Variants in MON2 observed in about 807,000 individuals in gnomAD.
The protein encoded by MON2 is protein MON2 homolog.
A neutral mutation model predicts 208.6 loss-of-function variants in MON2; 84 were observed. That is an observed-to-expected ratio of 0.40 (90% CI 0.34 to 0.48). MON2 has a LOEUF of 0.48. MON2 is among the 20% of genes least tolerant of loss of function. The probability of loss-of-function intolerance (pLI) is 0.59; values close to 1 mark genes in which losing one functional copy is unlikely to be tolerated. For synonymous variants in MON2, 660 were observed against 694.0 expected (o/e 0.95, Z 0.77); for missense variants, 1,611 against 2,015.4 (o/e 0.80, Z 3.84).
chr12:62,583,456 G>C (rs1364901210), intron 32 of MON2, among the ~76,000 whole-genome samples: 1 of 151,976 alleles, frequency 6.6e-6, no homozygotes, highest in Non-Finnish European at 1.5e-5. Flanking sequence ...AAAGAACAAA[G>C]AAAATCTAGG....
chr12:62,532,337 GTTAATC>G, intron 11 of MON2, 95 bp from the exon 12 acceptor site: 1 of 871,480 alleles, frequency 1.1e-6, no homozygotes, highest in African/African-American at 1.7e-5. Context: ...TTGCTATTCT[GTTAATC>G]TTAATTTCTA....
chr12:62,474,720 A>T (rs10735909), intron 1 of MON2, among the ~76,000 whole-genome samples: 2 of 151,830 alleles, frequency 1.3e-5, no homozygotes, highest in Non-Finnish European at 2.9e-5. Flanking sequence ...CATCGCGGCC[A>T]GCCAGATAGA....
At chr12:62,539,899 G>A (rs754195888) in intron 19 of MON2, among the ~76,000 whole-genome samples, 2 of 151,924 alleles carry the variant, frequency 1.3e-5, no homozygotes, top group African/African-American at 2.4e-5. Context: ...AACCCAGGAG[G>A]CGGAGGTTGC....
In MON2 at chr12:62,484,160, A is replaced by T. The variant is rs2069620481; in HGVS notation, c.112-10A>T. 2 of 1,582,270 alleles carry T rather than the reference A, an allele frequency of 1.3e-6. No individual in the cohort carries two copies. Among genetic ancestry groups the T allele is most frequent in the African/African-American group, 2.7e-5 (2 of 73,816 alleles). ...TAAATTTTGTGTTCTAATTATTTTTATTCTTGCAGGCTGCTGAATCAGGAA... is the reference window on the plus strand; with the variant it reads ...TAAATTTTGTGTTCTAATTATTTTTTTTCTTGCAGGCTGCTGAATCAGGAA... On this transcript the variant is annotated splice_polypyrimidine_tract_variant and intron_variant, in intron 1 of 34. Transcript: ENST00000393630.
chr12:62,502,408 A>T (rs80207558), intron 7 of MON2, among the ~76,000 whole-genome samples: 2 of 114,814 alleles, frequency 1.7e-5, no homozygotes, highest in African/African-American at 3.0e-5. Context: ...TTCTTAAATT[A>T]AAAAAAAAAA....
intron 14 of MON2, among the ~76,000 whole-genome samples, chr12:62,536,117 G>T (rs1180133912): frequency 2.0e-5 from 3 of 152,018 alleles, no homozygotes; most frequent in African/African-American, 7.2e-5. Flanking sequence ...TCGGATAAGG[G>T]ATACTCAACT....
At position 62,535,739 on chromosome 12, in the gene MON2, A is replaced by G. The variant is rs370022824; in HGVS notation, c.1900+30A>G. The stretch of plus-strand genomic sequence containing the variant: ...GACAGGCTTACTCAAAATTCTCTCT[A>G]TGTAGTGGGATGATATGGTGTAGAC... On this transcript the variant is annotated intron_variant, in intron 14 of 34. Transcript: ENST00000393630. The G allele has an allele frequency of 2.4e-4, 376 of 1,540,512 alleles. 7 individuals are homozygous for G. In the South Asian group the frequency reaches 4.1e-3, roughly 17 times the overall value.
chr12:62,529,573 ATC>A (rs940829215), intron 11 of MON2, among the ~76,000 whole-genome samples: 6 of 152,152 alleles, frequency 3.9e-5, no homozygotes, highest in African/African-American at 7.2e-5. Context: ...GATAATTCAT[ATC>A]TCATGAAATT....
Position 62,543,295 on chromosome 12 carries a change from T to A in MON2, c.2466+97T>A. On this transcript the variant is annotated intron_variant, in intron 20 of 34. Coordinates refer to ENST00000393630, the MANE Select transcript of MON2 (RefSeq NM_015026.3). ...GCCATTTGAAAAATCAGCATTAACTTTTTTTCCCCCTTTCCTGACTGTGTA... is the reference window on the plus strand; with the variant it reads ...GCCATTTGAAAAATCAGCATTAACTATTTTTCCCCCTTTCCTGACTGTGTA... 3 of 583,624 alleles carry A rather than the reference T, an allele frequency of 5.1e-6. No homozygotes were observed. In the South Asian group the frequency reaches 1.3e-4, roughly 25 times the overall value. 36.2% of individuals were successfully genotyped at this position (583,624 alleles called of 1,614,324 possible).
At chr12:62,588,208 G>T (rs2075280618) in intron 34 of MON2, 52 bp downstream of exon 34, 1 of 1,244,440 alleles carries the variant, frequency 8.0e-7, no homozygotes, top group Admixed American at 2.2e-5. Flanking sequence ...TGTTCTATTT[G>T]TGATGGACTT....
chr12:62,567,854 C>T (rs1034874819), intron 29 of MON2, among the ~76,000 whole-genome samples: 6 of 152,160 alleles, frequency 3.9e-5, no homozygotes, highest in South Asian at 2.1e-4. Flanking sequence ...AGCCTGACTT[C>T]GAATAGTCCA....
At chr12:62,583,037 A>G (rs1203283023) in intron 32 of MON2, among the ~76,000 whole-genome samples, 1 of 152,240 alleles carries the variant, frequency 6.6e-6, no homozygotes, top group Non-Finnish European at 1.5e-5. Flanking sequence ...AAGGAGCAGT[A>G]GAAAAAGAAA....
intron 2 of MON2, among the ~76,000 whole-genome samples, chr12:62,492,538 A>AT (rs1165270530): frequency 6.7e-6 from 1 of 148,412 alleles, no homozygotes; most frequent in Non-Finnish European, 1.5e-5. Context: ...CGCCCGACTA[A>AT]TTTTTTGTAT....
intron 7 of MON2, among the ~76,000 whole-genome samples, chr12:62,503,591 T>G (rs1264423926): frequency 6.6e-6 from 1 of 152,240 alleles, no homozygotes; most frequent in African/African-American, 2.4e-5. Context: ...CTTATCAGAC[T>G]AAAAGATGAA....
intron 2 of MON2, 115 bp from the exon 3 acceptor site, chr12:62,493,800 T>A: frequency 2.7e-6 from 2 of 747,810 alleles, no homozygotes; most frequent in Non-Finnish European, 4.0e-6. Flanking sequence ...TGGTGTTTAT[T>A]TTACGTAAAG....
intron 29 of MON2, among the ~76,000 whole-genome samples, chr12:62,569,301 T>C (rs1275331473): frequency 6.6e-6 from 1 of 152,168 alleles, no homozygotes; most frequent in Non-Finnish European, 1.5e-5. Flanking sequence ...AGTATTCTTT[T>C]GGTTGCAAAT....
chr12:62,498,840 C>A, intron 4 of MON2, 79 bp from the exon 5 acceptor site: 1 of 1,397,824 alleles, frequency 7.2e-7, no homozygotes, highest in South Asian at 1.6e-5. Context: ...ATTGAAACAA[C>A]CAAACATAAA....
chr12:62,547,560 G>A (rs1473820226), intron 22 of MON2, among the ~76,000 whole-genome samples: 2 of 152,124 alleles, frequency 1.3e-5, no homozygotes, highest in East Asian at 1.9e-4. Flanking sequence ...TCTGTGCAGA[G>A]TGTATTTCAA....
intron 22 of MON2, among the ~76,000 whole-genome samples, chr12:62,549,106 A>G (rs1342465500): frequency 6.6e-6 from 1 of 152,150 alleles, no homozygotes; most frequent in African/African-American, 2.4e-5. Flanking sequence ...TAGAAGTAAT[A>G]TGATGTTAAT....
Sources: gnomAD v4.1 joint callset for allele counts (sites outside exome capture counted in the v4.1 genomes callset) on GRCh38, gnomAD v4.1.1 for gene constraint, MANE v1.5 for transcripts, NCBI Gene and HGNC (gene_info 2026-07-23, HGNC 2026-07-21) for gene names.